Variants in DLG1 observed in about 807,000 individuals in gnomAD.
DLG1 encodes the protein discs large MAGUK scaffold protein 1.
A neutral mutation model predicts 123.4 loss-of-function variants in DLG1; 42 were observed. The ratio of observed to expected loss-of-function variants is 0.34; its 90% CI spans 0.27 to 0.44. The LOEUF is 0.44. DLG1 is among the 20% of genes least tolerant of loss of function. The probability of loss-of-function intolerance (pLI) is 1.00; values close to 1 mark genes in which losing one functional copy is unlikely to be tolerated. For missense variants in DLG1, 942 were observed against 1,082.6 expected (o/e 0.87, Z 1.82); for synonymous variants, 317 against 356.2 (o/e 0.89, Z 1.24).
intron 4 of DLG1, among the ~76,000 whole-genome samples, chr3:197,279,497 C>G (rs1314663149): frequency 3.3e-5 from 5 of 152,174 alleles, no homozygotes; most frequent in Non-Finnish European, 7.3e-5. Context: ...TCAAACATTA[C>G]TACAGCATTT....
At chr3:197,089,226 A>G (rs1195970017) in intron 15 of DLG1, among the ~76,000 whole-genome samples, 1 of 152,142 alleles carries the variant, frequency 6.6e-6, no homozygotes, top group Non-Finnish European at 1.5e-5. Context: ...TTTAGATAAT[A>G]TATGGTTTTA....
intron 12 of DLG1, among the ~76,000 whole-genome samples, chr3:197,116,345 T>C (rs189917958): frequency 2.0e-5 from 3 of 152,134 alleles, no homozygotes; most frequent in Admixed American, 6.5e-5. Flanking sequence ...ACGTGGAAAT[T>C]TAAAAGTATT....
At chr3:197,201,349 G>A (rs866428292) in intron 4 of DLG1, among the ~76,000 whole-genome samples, 2 of 152,064 alleles carry the variant, frequency 1.3e-5, no homozygotes, top group South Asian at 2.1e-4. Context: ...GCGCCACTGC[G>A]CTCCAGCCTG....
chr3:197,055,294 G>A (rs1302375199), intron 23 of DLG1, among the ~76,000 whole-genome samples: 1 of 152,176 alleles, frequency 6.6e-6, no homozygotes, highest in Non-Finnish European at 1.5e-5. Context: ...AGCTCATTTA[G>A]TATCTTGTTT....
intron 15 of DLG1, among the ~76,000 whole-genome samples, chr3:197,089,548 A>C (rs539080082): frequency 1.2e-3 from 178 of 151,896 alleles, no homozygotes; most frequent in African/African-American, 1.7e-3. Flanking sequence ...AAAAAACAGA[A>C]AGAAAATAGA....
At chr3:197,072,892 T>C (rs1270533181) in intron 18 of DLG1, among the ~76,000 whole-genome samples, 2 of 152,176 alleles carry the variant, frequency 1.3e-5, no homozygotes, top group Non-Finnish European at 2.9e-5. Context: ...AGACGGGGTT[T>C]TGCCATGTTG....
At chr3:197,296,770 A>C in intron 2 of DLG1, 1 of 367,568 alleles carries the variant, frequency 2.7e-6, no homozygotes, top group Non-Finnish European at 4.8e-6. Context: ...AAGTATTAGC[A>C]ACAGTTTCAG....
chr3:197,175,439 T>C (rs962363271), intron 5 of DLG1, among the ~76,000 whole-genome samples: 6 of 152,176 alleles, frequency 3.9e-5, no homozygotes, highest in Non-Finnish European at 7.4e-5. Context: ...GCTTCACAAT[T>C]TTTTCACAGA....
chr3:197,127,266 T>C (rs1259778032), intron 11 of DLG1, among the ~76,000 whole-genome samples: 3 of 149,908 alleles, frequency 2.0e-5, no homozygotes, highest in East Asian at 3.9e-4. Context: ...CTACTAAAAA[T>C]ACAAAAGTTA....
chr3:197,294,784 A>G (rs1776597689), intron 3 of DLG1, among the ~76,000 whole-genome samples: 1 of 152,178 alleles, frequency 6.6e-6, no homozygotes, highest in African/African-American at 2.4e-5. Context: ...CAGCAAACCC[A>G]TCCCCAATCT....
chr3:197,115,716 GCA>G (rs1164443711), intron 13 of DLG1, among the ~76,000 whole-genome samples: 1 of 152,078 alleles, frequency 6.6e-6, no homozygotes, highest in Non-Finnish European at 1.5e-5. Flanking sequence ...ATTTCTTCAA[GCA>G]CATTTATAAA....
rs116824370 is a variant in DLG1 at position 197,118,028 on chromosome 3, T to C, written c.1286+1382A>G. ...ATCTGAAAGACTGCTTAAAGTCAAA[T>C]TGTGAAGAACTTATAATGTTGGAAA... is the stretch of plus-strand genomic sequence containing the variant. On this transcript the variant is annotated intron_variant, in intron 12 of 24. Coordinates refer to ENST00000667157, the MANE Select transcript of DLG1 (RefSeq NM_001366207.1). Among the ~76,000 whole-genome samples, 673 of 152,186 alleles carry C rather than the reference T, an allele frequency of 4.4e-3. 4 individuals are homozygous for C. The highest frequency in any genetic ancestry group is 0.016 in the African/African-American group (651 of 41,540).
At chr3:197,221,423 C>T (rs760285497) in intron 4 of DLG1, among the ~76,000 whole-genome samples, 13 of 151,626 alleles carry the variant, frequency 8.6e-5, no homozygotes, top group African/African-American at 1.5e-4. Context: ...GGGAGGCTGA[C>T]GTGGGAAAAT....
At chr3:197,190,741 T>C (rs1425977427) in intron 5 of DLG1, among the ~76,000 whole-genome samples, 1 of 152,198 alleles carries the variant, frequency 6.6e-6, no homozygotes, top group Admixed American at 6.5e-5. Context: ...CCGGGCGCGG[T>C]GGCTCCCGCC....
At chr3:197,109,092 C>T (rs1204024870) in intron 13 of DLG1, among the ~76,000 whole-genome samples, 1 of 152,164 alleles carries the variant, frequency 6.6e-6, no homozygotes, top group East Asian at 1.9e-4. Context: ...TGGTTCTAGA[C>T]TGTAATCCCA....
chr3:197,158,838 C>CA (rs1212327585), intron 5 of DLG1, among the ~76,000 whole-genome samples: 2 of 152,028 alleles, frequency 1.3e-5, no homozygotes, highest in Admixed American at 1.3e-4. Context: ...AGACCATGCA[C>CA]AAAAAATTAG....
chr3:197,251,796 T>C (rs968187348), intron 4 of DLG1, among the ~76,000 whole-genome samples: 2 of 152,168 alleles, frequency 1.3e-5, no homozygotes, highest in Non-Finnish European at 2.9e-5. Context: ...CCAGGATATA[T>C]TAAGAGCTTA....
intron 18 of DLG1, 106 bp from the exon 19 acceptor site, chr3:197,069,366 T>G: frequency 1.5e-6 from 1 of 645,886 alleles, no homozygotes; most frequent in Non-Finnish European, 2.4e-6. Flanking sequence ...CAAAATAATT[T>G]TTTAAAAGCA....
intron 3 of DLG1, among the ~76,000 whole-genome samples, chr3:197,286,251 C>A (rs1771787704): frequency 6.6e-6 from 1 of 152,042 alleles, no homozygotes; most frequent in Non-Finnish European, 1.5e-5. Context: ...AGAAGAAGAG[C>A]ACACAGGATT....
Sources: gnomAD v4.1 joint callset for allele counts (sites outside exome capture counted in the v4.1 genomes callset) on GRCh38, gnomAD v4.1.1 for gene constraint, MANE v1.5 for transcripts, NCBI Gene and HGNC (gene_info 2026-07-23, HGNC 2026-07-21) for gene names.